Variants in TSHZ2 observed in about 807,000 individuals in gnomAD.
TSHZ2 encodes teashirt homolog 2.
A neutral mutation model predicts 74.4 loss-of-function variants in TSHZ2; 21 were observed. The observed-to-expected ratio is 0.28, with a 90% confidence interval of 0.20 to 0.41. The LOEUF (loss-of-function observed/expected upper bound fraction) is 0.41. Among genes scored for constraint, TSHZ2 ranks in the 10% least tolerant of loss-of-function variants. The probability of loss-of-function intolerance (pLI) is 1.00; values close to 1 mark genes in which losing one functional copy is unlikely to be tolerated. For missense variants in TSHZ2, 1,244 were observed against 1,293.5 expected (o/e 0.96, Z 0.59); for synonymous variants, 540 against 515.3 (o/e 1.05, Z -0.65).
chr20:53,001,798 G>A (rs1982451696), intron 1 of TSHZ2, among the ~76,000 whole-genome samples: 1 of 152,188 alleles, frequency 6.6e-6, no homozygotes, highest in Non-Finnish European at 1.5e-5. Flanking sequence ...CTTCCCTATT[G>A]AGTTTCATAA....
intron 1 of TSHZ2, among the ~76,000 whole-genome samples, chr20:53,154,158 C>T (rs1482457475): frequency 6.6e-6 from 1 of 152,214 alleles, no homozygotes; most frequent in Non-Finnish European, 1.5e-5. Context: ...TACCAGCAAT[C>T]AGTCATACTG....
intron 1 of TSHZ2, among the ~76,000 whole-genome samples, chr20:53,231,673 G>A (rs1410630914): frequency 6.6e-6 from 1 of 151,484 alleles, no homozygotes; most frequent in Non-Finnish European, 1.5e-5. Context: ...TTTTTTTTTG[G>A]TCTTTAAGAA....
chr20:53,063,993 G>T lies in TSHZ2; in HGVS notation c.40+90660G>T, dbSNP rs1161521321. ...TCAAGTTATATTTCTTAATAGCGAT[G>T]CAGCAAATTACTATATCTACATGGC... On this transcript the variant is annotated intron_variant, in intron 1 of 2. Coordinates refer to ENST00000371497, the MANE Select transcript of TSHZ2 (RefSeq NM_173485.6). Among the ~76,000 whole-genome samples the T allele has an allele frequency of 2.6e-5, 4 of 152,264 alleles. No individual in the cohort carries two copies. The East Asian group carries it at 7.7e-4, about 29-fold the overall frequency.
chr20:52,999,797 A>T (rs1982346108), intron 1 of TSHZ2, among the ~76,000 whole-genome samples: 1 of 152,162 alleles, frequency 6.6e-6, no homozygotes, highest in African/African-American at 2.4e-5. Flanking sequence ...AAAATCCTAC[A>T]GTTAAGTCTG....
chr20:53,437,472 A>AAAAGG (rs1984131047), intron 2 of TSHZ2, among the ~76,000 whole-genome samples: 1 of 151,728 alleles, frequency 6.6e-6, no homozygotes, highest in East Asian at 1.9e-4. Flanking sequence ...GACTCCATCT[A>AAAAGG]AAAGGAAAGA....
chr20:52,976,047 G>A (rs1981325275), intron 1 of TSHZ2, among the ~76,000 whole-genome samples: 1 of 152,196 alleles, frequency 6.6e-6, no homozygotes, highest in South Asian at 2.1e-4. Flanking sequence ...GGCTCTCCCG[G>A]AGCGCTCTTT....
In TSHZ2 at chr20:53,491,480, T is replaced by C. The variant is rs911775897; in HGVS notation, c.*4345T>C. 2.0e-5 allele frequency: 3 copies of C among 152,232 alleles called. No individual in the cohort carries two copies. The highest frequency in any genetic ancestry group is 7.2e-5 in the African/African-American group (3 of 41,458). The allele number at this position is 152,232 out of a possible 1,614,324, so 9.4% of individuals were successfully genotyped here. On this transcript the variant is annotated 3_prime_UTR_variant, in exon 3 of 3. Transcript: ENST00000371497. ...TAAACATTTTGAAACTTGTGAATCA[T>C]CTTTAGAATTTCTACTGGGGAATTT...
chr20:53,286,447 T>A (rs983503403), intron 2 of TSHZ2, among the ~76,000 whole-genome samples: 1 of 152,224 alleles, frequency 6.6e-6, no homozygotes, highest in Non-Finnish European at 1.5e-5. Context: ...GCATTTTCCC[T>A]AGTAAGGGTA....
chr20:53,285,031 G>A lies in TSHZ2; in HGVS notation c.*8+28460G>A, dbSNP rs57425695. Reference sequence around the variant, plus strand: ...CTCCACGTTCTGAAGCTGTTCAGCAGAGTCAGAAGCACAGGAGACAGATGG... The same window carrying A: ...CTCCACGTTCTGAAGCTGTTCAGCAAAGTCAGAAGCACAGGAGACAGATGG... On this transcript the variant is annotated intron_variant, in intron 2 of 2. Transcript: ENST00000371497. 6.4e-3 allele frequency among the ~76,000 whole-genome samples: 972 copies of A among 152,288 alleles called. 11 individuals carry two copies. The highest frequency in any genetic ancestry group is 0.023 in the African/African-American group (938 of 41,556).
chr20:53,466,300 G>A (rs79530282), intron 2 of TSHZ2, among the ~76,000 whole-genome samples: 1 of 149,660 alleles, frequency 6.7e-6, no homozygotes. Context: ...AAAAAAAAAA[G>A]TCTACCTTGT....
intron 1 of TSHZ2, among the ~76,000 whole-genome samples, chr20:53,106,391 CTTTTTTTTTTTTTTTTTTT>C (rs71194458): frequency 5.1e-5 from 3 of 58,940 alleles, no homozygotes; most frequent in South Asian, 2.2e-3. Context: ...CTCACACTTT[CTTTTTTTTTTTTTTTTTTT>C]TTTTTTTTTT....
At chr20:53,010,334 A>G (rs1436806719) in intron 1 of TSHZ2, among the ~76,000 whole-genome samples, 1 of 152,194 alleles carries the variant, frequency 6.6e-6, no homozygotes, top group Admixed American at 6.5e-5. Context: ...TGATTGGATC[A>G]TCAAAATCCT....
intron 1 of TSHZ2, among the ~76,000 whole-genome samples, chr20:53,128,846 T>C (rs1313504959): frequency 6.6e-6 from 1 of 152,130 alleles, no homozygotes; most frequent in Non-Finnish European, 1.5e-5. Flanking sequence ...GGTCTTGAAC[T>C]CCTGACCTCG....
intron 1 of TSHZ2, among the ~76,000 whole-genome samples, chr20:52,974,390 C>G (rs1981249363): frequency 6.6e-6 from 1 of 152,192 alleles, no homozygotes; most frequent in African/African-American, 2.4e-5. Flanking sequence ...ACCTTGCCCT[C>G]TATATTCAGA....
In TSHZ2 at chr20:53,001,224, G is replaced by GTGTGTATGTGTGTGTGTGTGTGTGTATA. The variant is rs1555813602; in HGVS notation, c.40+27896_40+27897insATGTGTGTGTGTGTGTGTGTATATGTGT. Among the ~76,000 whole-genome samples, 192 of 147,846 alleles carry GTGTGTATGTGTGTGTGTGTGTGTGTATA rather than the reference G, an allele frequency of 1.3e-3. 1 individual carries two copies. Among genetic ancestry groups the GTGTGTATGTGTGTGTGTGTGTGTGTATA allele is most frequent in the African/African-American group, 4.4e-3 (173 of 39,434 alleles). On this transcript the variant is annotated intron_variant, in intron 1 of 2. Coordinates refer to ENST00000371497, the MANE Select transcript of TSHZ2 (RefSeq NM_173485.6). ...CATGTGCGTGTGTGTGTGTGTGTGT[G>GTGTGTATGTGTGTGTGTGTGTGTGTATA]TGTGTGTGTGTGTGTGTGTGTGTGT... is the stretch of plus-strand genomic sequence containing the variant.
chr20:53,343,822 G>T (rs1245439475), intron 2 of TSHZ2, among the ~76,000 whole-genome samples: 2 of 152,172 alleles, frequency 1.3e-5, no homozygotes, highest in Non-Finnish European at 2.9e-5. Context: ...TGGGCCCCAG[G>T]TGATCCTAAA....
Position 53,254,122 on chromosome 20 carries a change from G to A in TSHZ2, c.664G>A (p.Ala222Thr), listed in dbSNP as rs141167641. The A allele has an allele frequency of 1.4e-5, 23 of 1,614,114 alleles. No individual in the cohort carries two copies. Among genetic ancestry groups the A allele is most frequent in the African/African-American group, 5.3e-5 (4 of 75,016 alleles). Residue 222 changes from alanine to threonine, a missense_variant, in exon 2 of 3, where the codon GCG becomes ACG. Ala to Thr is a moderately conservative substitution (Grantham distance 58, BLOSUM62 0). Coordinates refer to ENST00000371497, the MANE Select transcript of TSHZ2 (RefSeq NM_173485.6). Reference protein sequence around the residue: ...ASRFRCRQCSAAYDTLVELTV... With the variant: ...ASRFRCRQCSTAYDTLVELTV... ...CAGATTCCGATGCCGACAGTGCAGC[G>A]CGGCCTATGACACCCTAGTCGAGCT...
chr20:52,987,957 C>T (rs774348471), intron 1 of TSHZ2, among the ~76,000 whole-genome samples: 1 of 152,090 alleles, frequency 6.6e-6, no homozygotes, highest in African/African-American at 2.4e-5. Flanking sequence ...TTTGGAATCT[C>T]CTCTACTTTC....
intron 1 of TSHZ2, among the ~76,000 whole-genome samples, chr20:53,050,130 T>TAC (rs1327417988): frequency 3.7e-4 from 33 of 88,298 alleles, no homozygotes; most frequent in African/African-American, 1.5e-3. Flanking sequence ...TATATACACA[T>TAC]ATATATATGT....
Sources: allele counts gnomAD v4.1 joint callset (sites outside exome capture counted in the v4.1 genomes callset), GRCh38; gene constraint gnomAD v4.1.1; transcripts MANE v1.5; gene names NCBI Gene and HGNC (gene_info 2026-07-23, HGNC 2026-07-21).